Variants in CCDC149 observed in about 807,000 individuals in gnomAD.
CCDC149 encodes coiled-coil domain containing 149.
CCDC149 carries 45 observed loss-of-function variants against 59.9 expected under a neutral mutation model. The observed-to-expected ratio is 0.75, with a 90% CI of 0.59 to 0.96. The LOEUF (loss-of-function observed/expected upper bound fraction) is 0.96, where lower values mean the gene tolerates loss of function less well. Among genes scored for constraint, CCDC149 ranks in the 40% least tolerant of loss-of-function variants. The pLI, the probability that CCDC149 is intolerant of heterozygous loss-of-function variation, is 0.00. For synonymous variants in CCDC149, 245 were observed against 260.6 expected, an observed-to-expected ratio of 0.94 and a Z score of 0.58; for missense variants, 584 against 664.7, an observed-to-expected ratio of 0.88 and a Z score of 1.33.
chr4:24,915,007 G>A (rs79159289), upstream of CCDC149, among the ~76,000 whole-genome samples: 276 of 152,278 alleles, frequency 1.8e-3, no homozygotes, highest in African/African-American at 5.8e-3. Context: ...TGTCCTAGGG[G>A]GCTTGCAAAC....
intron 1 of CCDC149, among the ~76,000 whole-genome samples, chr4:24,971,819 C>T (rs1032600530): frequency 1.3e-5 from 2 of 152,184 alleles, no homozygotes; most frequent in Non-Finnish European, 2.9e-5. Flanking sequence ...TGATAAGAAA[C>T]ATTTACAATC....
At chr4:24,949,836 C>A (rs1275048353) in intron 1 of CCDC149, among the ~76,000 whole-genome samples, 1 of 152,180 alleles carries the variant, frequency 6.6e-6, no homozygotes, top group African/African-American at 2.4e-5. Flanking sequence ...CCAGTGGGAT[C>A]TTTCCCCAAG....
At position 24,840,924 on chromosome 4, in the gene CCDC149, T is replaced by C. The variant is rs375102911; in HGVS notation, c.373-2652A>G. On this transcript the variant is annotated intron_variant, in intron 4 of 12. Transcript: ENST00000635206. The stretch of plus-strand genomic sequence containing the variant: ...CCAGAGGCTTCCAGGAACCTAACCC[T>C]GCATTTCTTCTAGGAGCAATGGTTC... Among the ~76,000 whole-genome samples, 245 of 152,338 alleles carry C rather than the reference T, an allele frequency of 1.6e-3. 1 individual carries two copies. The highest frequency in any genetic ancestry group is 5.5e-3 in the African/African-American group (227 of 41,576).
chr4:24,809,920 A>G (rs140895307), intron 12 of CCDC149, among the ~76,000 whole-genome samples: 2 of 152,364 alleles, frequency 1.3e-5, no homozygotes, highest in East Asian at 3.9e-4. Context: ...TCATCTGGCC[A>G]TGCCATTTTC....
chr4:24,967,655 C>G (rs1723839025), intron 1 of CCDC149, among the ~76,000 whole-genome samples: 1 of 150,592 alleles, frequency 6.6e-6, no homozygotes, highest in Non-Finnish European at 1.5e-5. Flanking sequence ...ATGTCATGAT[C>G]TAGTTGCCAC....
At chr4:24,859,757 T>C (rs1022242266) in intron 3 of CCDC149, among the ~76,000 whole-genome samples, 1 of 152,186 alleles carries the variant, frequency 6.6e-6, no homozygotes, top group African/African-American at 2.4e-5. Flanking sequence ...AGTTTCAGGA[T>C]ACAAAATCAA....
rs764298577 is a variant in CCDC149 at position 24,853,197 on chromosome 4, T to C, written c.265-18A>G. On this transcript the variant is annotated intron_variant, in intron 3 of 12. Coordinates refer to ENST00000635206, the MANE Select transcript of CCDC149 (RefSeq NM_001330643.2). ...AGATTAGCCTAGAAATATCAACACA[T>C]TATGAAATACAATCAGAAATGGAGG... 10 of 1,539,408 alleles carry C rather than the reference T, an allele frequency of 6.5e-6. No individual in the cohort carries two copies. The highest frequency in any genetic ancestry group is 3.4e-5 in the South Asian group (3 of 89,506).
At chr4:24,827,280 C>G (rs1245901320) in intron 9 of CCDC149, 1 of 152,258 alleles carries the variant, frequency 6.6e-6, no homozygotes, top group Non-Finnish European at 1.5e-5. Context: ...TCTCTACATG[C>G]CTGAAGACGC....
intron 4 of CCDC149, among the ~76,000 whole-genome samples, chr4:24,852,356 A>C (rs1016591782): frequency 6.0e-5 from 9 of 151,164 alleles, no homozygotes; most frequent in African/African-American, 1.9e-4. Context: ...GTCCACTTTC[A>C]AAGCCATCTC....
At chr4:24,847,215 G>T (rs989326360) in intron 4 of CCDC149, among the ~76,000 whole-genome samples, 1 of 152,112 alleles carries the variant, frequency 6.6e-6, no homozygotes, top group Non-Finnish European at 1.5e-5. Flanking sequence ...TAAGATTTCT[G>T]GTGGAATTCT....
intron 12 of CCDC149, among the ~76,000 whole-genome samples, chr4:24,816,848 A>G (rs975606163): frequency 6.6e-6 from 1 of 152,046 alleles, no homozygotes; most frequent in Non-Finnish European, 1.5e-5. Flanking sequence ...TCACCCAAAA[A>G]CGTGTCCCCC....
chr4:24,953,406 G>C (rs1723369506), intron 1 of CCDC149, among the ~76,000 whole-genome samples: 1 of 152,136 alleles, frequency 6.6e-6, no homozygotes, highest in Non-Finnish European at 1.5e-5. Flanking sequence ...TCTGCCTTTT[G>C]AGACCCAAAC....
chr4:24,965,885 C>T (rs1259673239), intron 1 of CCDC149, among the ~76,000 whole-genome samples: 1 of 152,216 alleles, frequency 6.6e-6, no homozygotes, highest in Non-Finnish European at 1.5e-5. Flanking sequence ...GTAACCATGC[C>T]ATGTGAGGTG....
intron 1 of CCDC149, among the ~76,000 whole-genome samples, chr4:24,922,074 C>A (rs56357416): frequency 0.079 from 12,080 of 152,206 alleles, 559 homozygotes; most frequent in Middle Eastern, 0.11. Flanking sequence ...TTCCTTTATG[C>A]ATATCTGTCT....
intron 1 of CCDC149, among the ~76,000 whole-genome samples, chr4:24,901,835 C>T (rs535558222): frequency 6.6e-6 from 1 of 152,302 alleles, no homozygotes; most frequent in Admixed American, 6.5e-5. Flanking sequence ...CATTCTATTC[C>T]ATCTCTCCAA....
At chr4:24,857,404 G>GT (rs1718080410) in intron 3 of CCDC149, among the ~76,000 whole-genome samples, 1 of 152,136 alleles carries the variant, frequency 6.6e-6, no homozygotes, top group Non-Finnish European at 1.5e-5. Flanking sequence ...AAACCATGCT[G>GT]TCAAATTGCT....
intron 12 of CCDC149, among the ~76,000 whole-genome samples, chr4:24,809,535 C>G (rs1714459058): frequency 6.6e-6 from 1 of 152,202 alleles, no homozygotes; most frequent in Non-Finnish European, 1.5e-5. Context: ...TCTGATGCCC[C>G]TTCTGGACCT....
chr4:24,906,918 A>T (rs1482619418), intron 1 of CCDC149, among the ~76,000 whole-genome samples: 1 of 152,182 alleles, frequency 6.6e-6, no homozygotes. Flanking sequence ...AGACTAAATT[A>T]GGAGAGTGTG....
At chr4:24,839,063 G>C (rs11932149) in intron 4 of CCDC149, among the ~76,000 whole-genome samples, 11,867 of 59,582 alleles carry the variant, frequency 0.2, 526 homozygotes, top group African/African-American at 0.25. Flanking sequence ...CACACACACA[G>C]AGAGAGAGAG....
Sources: gnomAD v4.1 joint callset for allele counts (sites outside exome capture counted in the v4.1 genomes callset) on GRCh38, gnomAD v4.1.1 for gene constraint, MANE v1.5 for transcripts, NCBI Gene and HGNC (gene_info 2026-07-23, HGNC 2026-07-21) for gene names.